NHLRC2: variants seen among roughly 807,000 people sequenced by gnomAD.
The protein encoded by NHLRC2 is NHL repeat containing 2, also known as NHL repeat-containing protein 2.
In NHLRC2, 33 loss-of-function variants were observed where a neutral mutation model predicts 68.1. The ratio of observed to expected loss-of-function variants is 0.48; its 90% CI spans 0.37 to 0.65. NHLRC2 has a LOEUF of 0.65. NHLRC2 is among the 30% of genes least tolerant of loss of function. The pLI is 0.00. For synonymous variants in NHLRC2, 311 were observed against 309.6 expected, an observed-to-expected ratio of 1.00 and a Z score of -0.05; for missense variants, 761 against 853.8, an observed-to-expected ratio of 0.89 and a Z score of 1.35.
Position 113,909,462 on chromosome 10 carries a change from T to C in NHLRC2, c.*926T>C, listed in dbSNP as rs1846304985. ...GTTGAGTTTAGGTTTTGAGGTTTTTTTCGTTCCCATATTCAGAATTTAAAT... is the reference window on the plus strand; with the variant it reads ...GTTGAGTTTAGGTTTTGAGGTTTTTCTCGTTCCCATATTCAGAATTTAAAT... On this transcript the variant is annotated 3_prime_UTR_variant, in exon 11 of 11. Transcript: ENST00000369301. 1 of 152,166 alleles carries C rather than the reference T, an allele frequency of 6.6e-6. No individual in the cohort carries two copies. Among genetic ancestry groups the C allele is most frequent in the South Asian group, 2.1e-4 (1 of 4,828 alleles). The allele number at this position is 152,166 out of a possible 1,614,324, so 9.4% of individuals were successfully genotyped here.
chr10:113,862,085 G>A (rs1294735040), intron 2 of NHLRC2, among the ~76,000 whole-genome samples: 4 of 151,942 alleles, frequency 2.6e-5, no homozygotes, highest in African/African-American at 9.7e-5. Flanking sequence ...ATGTTGGCCA[G>A]GCTAGTCTTG....
At position 113,909,867 on chromosome 10, in the gene NHLRC2, C is replaced by T. The variant is rs1057325571; in HGVS notation, c.*1331C>T. The T allele has an allele frequency of 2.0e-5, 3 of 152,238 alleles. No homozygotes were observed. In the East Asian group the frequency reaches 5.8e-4, roughly 29 times the overall value. 9.4% of individuals were successfully genotyped at this position (152,238 alleles called of 1,614,324 possible). A position where few individuals can be genotyped will look rare whatever the true frequency, so the allele number is the denominator to read the frequency against. ...CAATATGGCATAATATGCTTCCCTT[C>T]CCTGTAAAAACAGTGCTAAATTTGA... On this transcript the variant is annotated 3_prime_UTR_variant, in exon 11 of 11. Coordinates refer to ENST00000369301, the MANE Select transcript of NHLRC2 (RefSeq NM_198514.4).
At position 113,909,481 on chromosome 10, in the gene NHLRC2, TTTAAA is replaced by T. The variant is rs1397989096; in HGVS notation, c.*949_*953del. On this transcript the variant is annotated 3_prime_UTR_variant, in exon 11 of 11. Transcript: ENST00000369301. ...GTTTTTTTCGTTCCCATATTCAGAA[TTTAAA>T]TTATGATCATTTATTGTGATGTTTT... The T allele has an allele frequency of 2.0e-5, 3 of 152,142 alleles. No individual in the cohort carries two copies. The highest frequency in any genetic ancestry group is 4.4e-5 in the Non-Finnish European group (3 of 67,978). 9.4% of individuals were successfully genotyped at this position (152,142 alleles called of 1,614,324 possible). A position where few individuals can be genotyped will look rare whatever the true frequency, so the allele number is the denominator to read the frequency against.
rs139832184 is a variant in NHLRC2, at chr10:113,857,412, A to T, written c.179-1116A>T. Among the ~76,000 whole-genome samples, 557 of 152,256 alleles carry T rather than the reference A, an allele frequency of 3.7e-3. 3 individuals carry two copies. The highest frequency in any genetic ancestry group is 0.013 in the African/African-American group (532 of 41,566). ...GGTCACTGTACCCTGAAACCTCATT[A>T]GTTTGGACTAATTGGCCCAAATACT... On this transcript the variant is annotated intron_variant, in intron 1 of 10. Coordinates refer to ENST00000369301, the MANE Select transcript of NHLRC2 (RefSeq NM_198514.4).
At chr10:113,860,010 A>C (rs1845800694) in intron 2 of NHLRC2, among the ~76,000 whole-genome samples, 1 of 152,206 alleles carries the variant, frequency 6.6e-6, no homozygotes, top group Admixed American at 6.5e-5. Flanking sequence ...CAGGTAAATA[A>C]TTTAGTGTGG....
chr10:113,909,910 A>G lies in NHLRC2; in HGVS notation c.*1374A>G, dbSNP rs1846310478. ...AAATTTGAAGTGTAATCTTTTTTAAACATCATTGTCTATTTTTAATTTTGT... is the reference window on the plus strand; with the variant it reads ...AAATTTGAAGTGTAATCTTTTTTAAGCATCATTGTCTATTTTTAATTTTGT... On this transcript the variant is annotated 3_prime_UTR_variant, in exon 11 of 11. Coordinates refer to ENST00000369301, the MANE Select transcript of NHLRC2 (RefSeq NM_198514.4). 6.6e-6 allele frequency: 1 copy of G among 152,146 alleles called. No individual in the cohort carries two copies. Among genetic ancestry groups the G allele is most frequent in the African/African-American group, 2.4e-5 (1 of 41,440 alleles). 9.4% of individuals were successfully genotyped at this position (152,146 alleles called of 1,614,324 possible). A position where few individuals can be genotyped will look rare whatever the true frequency, so the allele number is the denominator to read the frequency against.
intron 7 of NHLRC2, among the ~76,000 whole-genome samples, chr10:113,902,258 AACT>A (rs1260645948): frequency 6.6e-5 from 10 of 152,284 alleles, no homozygotes; most frequent in Middle Eastern, 3.4e-3. Context: ...TTGTGAGTAA[AACT>A]ACTAAGCACC....
chr10:113,877,956 T>G (rs1388949683), intron 3 of NHLRC2, among the ~76,000 whole-genome samples: 1 of 152,196 alleles, frequency 6.6e-6, no homozygotes, highest in Non-Finnish European at 1.5e-5. Flanking sequence ...TGAATTTAAG[T>G]GGTTTTAAAA....
chr10:113,874,230 A>G (rs779361443), intron 2 of NHLRC2, among the ~76,000 whole-genome samples: 26 of 152,178 alleles, frequency 1.7e-4, no homozygotes, highest in Non-Finnish European at 3.4e-4. Flanking sequence ...AATGCCTTAC[A>G]CAGATTATCT....
chr10:113,900,385 C>T (rs1188541240), intron 6 of NHLRC2, among the ~76,000 whole-genome samples: 1 of 152,106 alleles, frequency 6.6e-6, no homozygotes. Context: ...CAGAAGTTGC[C>T]AGAATATGCT....
At chr10:113,888,047 T>A (rs1389343714) in intron 5 of NHLRC2, among the ~76,000 whole-genome samples, 1 of 152,082 alleles carries the variant, frequency 6.6e-6, no homozygotes, top group Non-Finnish European at 1.5e-5. Flanking sequence ...CTGGTCAACA[T>A]AGCAAGACAC....
At chr10:113,878,536 C>CT (rs952744254) in intron 3 of NHLRC2, among the ~76,000 whole-genome samples, 5 of 151,716 alleles carry the variant, frequency 3.3e-5, no homozygotes, top group African/African-American at 7.3e-5. Context: ...AGTTGGTTTT[C>CT]TTTTTTTTAA....
At chr10:113,883,500 A>G (rs968070959) in intron 4 of NHLRC2, among the ~76,000 whole-genome samples, 5 of 151,960 alleles carry the variant, frequency 3.3e-5, no homozygotes, top group African/African-American at 9.7e-5. Flanking sequence ...AATATTGAAT[A>G]TCATCTCAGT....
intron 1 of NHLRC2, among the ~76,000 whole-genome samples, chr10:113,857,695 C>T (rs532456709): frequency 6.6e-6 from 1 of 152,070 alleles, no homozygotes; most frequent in Admixed American, 6.5e-5. Context: ...TTAACAAAAT[C>T]TTTCTTCATA....
intron 5 of NHLRC2, among the ~76,000 whole-genome samples, chr10:113,896,160 T>G (rs558166290): frequency 1.3e-5 from 2 of 152,224 alleles, no homozygotes; most frequent in South Asian, 4.1e-4. Flanking sequence ...GCAATCCTAT[T>G]ACTGGGTATA....
chr10:113,910,782 A>T lies in NHLRC2; in HGVS notation c.*2246A>T, dbSNP rs1394860448. On this transcript the variant is annotated 3_prime_UTR_variant, in exon 11 of 11. Transcript: ENST00000369301. ...CCCCTTCATTTGTCTAGACAGTTTT[A>T]GGTTAGCCTTAGCTTATACTTTTCT... 1 of 152,184 alleles carries T rather than the reference A, an allele frequency of 6.6e-6. No homozygotes were observed. Among genetic ancestry groups the T allele is most frequent in the Admixed American group, 6.5e-5 (1 of 15,270 alleles). 9.4% of individuals were successfully genotyped at this position (152,184 alleles called of 1,614,324 possible). A position where few individuals can be genotyped will look rare whatever the true frequency, so the allele number is the denominator to read the frequency against.
chr10:113,855,263 A>G (rs1845735925), intron 1 of NHLRC2, among the ~76,000 whole-genome samples: 1 of 152,194 alleles, frequency 6.6e-6, no homozygotes, highest in Non-Finnish European at 1.5e-5. Flanking sequence ...ACGGGGATCC[A>G]CATACTCGTC....
intron 10 of NHLRC2, among the ~76,000 whole-genome samples, chr10:113,906,942 A>G (rs1846281152): frequency 6.6e-6 from 1 of 152,204 alleles, no homozygotes; most frequent in African/African-American, 2.4e-5. Context: ...AGCCAAGCTC[A>G]CGCCACTGCA....
chr10:113,865,698 AAGT>A (rs1226154026), intron 2 of NHLRC2, among the ~76,000 whole-genome samples: 2 of 151,324 alleles, frequency 1.3e-5, no homozygotes, highest in African/African-American at 4.9e-5. Context: ...AATATTTTGT[AAGT>A]AGTCTCAACA....
Sources: gnomAD v4.1 joint callset for allele counts (sites outside exome capture counted in the v4.1 genomes callset) on GRCh38, gnomAD v4.1.1 for gene constraint, MANE v1.5 for transcripts, NCBI Gene and HGNC (gene_info 2026-07-23, HGNC 2026-07-21) for gene names.